Variants in ATP8B1 observed in about 807,000 individuals in gnomAD.
The protein encoded by ATP8B1 is phospholipid-transporting ATPase IC.
ATP8B1 carries 80 observed loss-of-function variants against 149.9 expected under a neutral mutation model. The ratio of observed to expected loss-of-function variants is 0.53; its 90% confidence interval spans 0.45 to 0.64. The LOEUF (loss-of-function observed/expected upper bound fraction) is 0.64, where lower values mean the gene tolerates loss of function less well. ATP8B1 is among the 30% of genes least tolerant of loss of function. The probability of loss-of-function intolerance (pLI) is 0.00; values close to 1 mark genes in which losing one functional copy is unlikely to be tolerated. For synonymous variants in ATP8B1, 536 were observed against 562.8 expected (o/e 0.95, Z 0.67); for missense variants, 1,247 against 1,552.6 (o/e 0.80, Z 3.31).
intron 2 of ATP8B1, among the ~76,000 whole-genome samples, chr18:57,716,322 C>G (rs375904778): frequency 2.6e-5 from 4 of 151,582 alleles, no homozygotes; most frequent in African/African-American, 9.7e-5. Flanking sequence ...GAAAACATAA[C>G]AAAATGGCAA....
chr18:57,764,419 C>CTCTTTCTT lies in ATP8B1; in HGVS notation c.-25-32595_-25-32588dup, dbSNP rs34664757. 1.1e-3 allele frequency among the ~76,000 whole-genome samples: 163 copies of CTCTTTCTT among 145,432 alleles called. 1 individual carries two copies. The highest frequency in any genetic ancestry group is 3.7e-3 in the African/African-American group (143 of 39,168). On this transcript the variant is annotated intron_variant, in intron 1 of 27. Transcript: ENST00000648908. ...TCTCTTTCTTTCTTTCTCTCTTTCT[C>CTCTTTCTT]TCTTTCTTTCTTTCTTTCATACCGA...
At chr18:57,786,684 C>CA (rs941321822) in intron 1 of ATP8B1, among the ~76,000 whole-genome samples, 24 of 152,338 alleles carry the variant, frequency 1.6e-4, no homozygotes, top group African/African-American at 5.5e-4. Flanking sequence ...GACAAGGAAT[C>CA]AGGAAATCTT....
chr18:57,794,814 AAGAAAG>A (rs1412186448), intron 1 of ATP8B1, among the ~76,000 whole-genome samples: 3 of 151,576 alleles, frequency 2.0e-5, no homozygotes, highest in Admixed American at 6.6e-5. Flanking sequence ...GAAAGAAAGA[AAGAAAG>A]AAAGAATGGC....
At chr18:57,796,030 C>T (rs149458543) in intron 1 of ATP8B1, among the ~76,000 whole-genome samples, 2,407 of 152,028 alleles carry the variant, frequency 0.016, 66 homozygotes, top group African/African-American at 0.056. Flanking sequence ...TTAGCCAAGC[C>T]TGGTGGCCAT....
chr18:57,657,540 A>G (rs553913558), intron 22 of ATP8B1, among the ~76,000 whole-genome samples: 61 of 152,346 alleles, frequency 4.0e-4, no homozygotes, highest in African/African-American at 1.3e-3. Context: ...TGGCAAATTC[A>G]AAACATAACT....
At chr18:57,758,461 A>G (rs1247057758) in intron 1 of ATP8B1, among the ~76,000 whole-genome samples, 1 of 148,944 alleles carries the variant, frequency 6.7e-6, no homozygotes, top group African/African-American at 2.5e-5. Flanking sequence ...ACCAACATGG[A>G]GAAACCCCGT....
At position 57,671,500 on chromosome 18, in the gene ATP8B1, G is replaced by A. The variant is rs777032365; in HGVS notation, c.1900C>T (p.Pro634Ser). ...GCATCCTGTGTTTCTTGCTTAGTAG[G>A]ATTCATTCGATGTAACCGTTCATAA... ...VIYERLHRMN[P>S]TKQETQDALD... The change falls in exon 17 of 28, where the codon CCT (proline) becomes TCT (serine). Residue 634 changes from proline to serine, a missense_variant. Physicochemically the swap from Pro to Ser is moderately conservative, Grantham distance 74. Coordinates refer to ENST00000648908, the MANE Select transcript of ATP8B1 (RefSeq NM_001374385.1). 1 of 1,613,938 alleles carries A rather than the reference G, an allele frequency of 6.2e-7. No individual in the cohort carries two copies. The highest frequency in any genetic ancestry group is 1.1e-5 in the South Asian group (1 of 91,076).
chr18:57,733,229 A>G lies in ATP8B1; in HGVS notation c.-25-1397T>C, dbSNP rs7244078. ...TGCCGTGTAGTCAGTATTGTTAATG[A>G]CAGCAGCTCGCATTTATTTTGTGTT... On this transcript the variant is annotated intron_variant, in intron 1 of 27. Transcript: ENST00000648908. Among the ~76,000 whole-genome samples the G allele has an allele frequency of 8.1e-3, 1,234 of 152,310 alleles. 25 individuals are homozygous for G. Among genetic ancestry groups the G allele is most frequent in the African/African-American group, 0.028 (1,173 of 41,570 alleles).
intron 1 of ATP8B1, chr18:57,735,239 T>G (rs755649227): frequency 5.9e-6 from 1 of 170,546 alleles, no homozygotes; most frequent in East Asian, 1.7e-4. Context: ...GCCGCTGACT[T>G]CCATCCCTCC....
chr18:57,790,389 C>A lies in ATP8B1; in HGVS notation c.-26+12609G>T, dbSNP rs114238157. Among the ~76,000 whole-genome samples, 720 of 149,262 alleles carry A rather than the reference C, an allele frequency of 4.8e-3. 2 individuals carry two copies. Among genetic ancestry groups the A allele is most frequent in the African/African-American group, 0.016 (657 of 40,942 alleles). ...AACAAAACCAGGAATCAAATCACAT[C>A]ACGCCGCTGCTTAAAAATGTTAGTG... On this transcript the variant is annotated intron_variant, in intron 1 of 27. Coordinates refer to ENST00000648908, the MANE Select transcript of ATP8B1 (RefSeq NM_001374385.1).
Position 57,697,949 on chromosome 18 carries a change from T to C in ATP8B1, c.555-82A>G. The stretch of plus-strand genomic sequence containing the variant: ...TACTATTCTTTCTGGATGTTATAGA[T>C]TCTGGAAAATATGCAAGTCACAGAG... On this transcript the variant is annotated intron_variant, in intron 6 of 27. Transcript: ENST00000648908. The C allele has an allele frequency of 2.3e-6, 3 of 1,299,858 alleles. No individual in the cohort carries two copies. The South Asian group carries it at 3.7e-5, about 16-fold the overall frequency. The allele number at this position is 1,299,858 out of a possible 1,614,324, so 80.5% of individuals were successfully genotyped here.
In ATP8B1 at chr18:57,802,054, G is replaced by GC. The variant is rs56215104; in HGVS notation, c.-26+943dup. On this transcript the variant is annotated intron_variant, in intron 1 of 27. Coordinates refer to ENST00000648908, the MANE Select transcript of ATP8B1 (RefSeq NM_001374385.1). The surrounding 1 kb of genome is among the most constrained non-coding windows in gnomAD (Gnocchi z 4.9). ...GTCACGGATCTGCGCTCCGAGCACC[G>GC]CCCCCCCCCGCAACCAGCCACCAAC... The GC allele has an allele frequency of 0.15, 19,089 of 130,050 alleles. 1,596 individuals carry two copies. Among genetic ancestry groups the GC allele is most frequent in the African/African-American group, 0.23 (7,804 of 34,594 alleles). 8.1% of individuals were successfully genotyped at this position (130,050 alleles called of 1,614,324 possible).
rs2079786149 is a variant in ATP8B1 at position 57,732,243 on chromosome 18, A to ATATATATG, written c.-25-412_-25-411insCATATATA. Among the ~76,000 whole-genome samples the ATATATATG allele has an allele frequency of 3.2e-3, 33 of 10,202 alleles. 6 individuals carry two copies. The highest frequency in any genetic ancestry group is 4.6e-3 in the South Asian group (1 of 216). 6.7% of individuals were successfully genotyped at this position (10,202 alleles called of 152,430 possible). ...TATATATGTATATATGTGTATATAT[A>ATATATATG]TGTATATATGTATATATGTGTATAT... On this transcript the variant is annotated intron_variant, in intron 1 of 27. Transcript: ENST00000648908.
chr18:57,672,918 ATATATATATATAT>A (rs1568189329), intron 16 of ATP8B1, among the ~76,000 whole-genome samples: 3,699 of 66,478 alleles, frequency 0.056, 288 homozygotes, highest in East Asian at 0.21. Context: ...ATATATATAT[ATATATATATATAT>A]AACATGTATA....
At chr18:57,686,666 A>C (rs879894030) in intron 13 of ATP8B1, among the ~76,000 whole-genome samples, 1 of 152,054 alleles carries the variant, frequency 6.6e-6, no homozygotes, top group Non-Finnish European at 1.5e-5. Context: ...TGATCCACCC[A>C]CGTAGGCCTC....
chr18:57,763,366 T>C (rs1189748240), intron 1 of ATP8B1, among the ~76,000 whole-genome samples: 1 of 150,930 alleles, frequency 6.6e-6, no homozygotes, highest in Admixed American at 6.7e-5. Context: ...CACTCCAGCC[T>C]GGGCAAGAAG....
At chr18:57,792,445 A>G (rs1354566103) in intron 1 of ATP8B1, among the ~76,000 whole-genome samples, 1 of 151,978 alleles carries the variant, frequency 6.6e-6, no homozygotes, top group African/African-American at 2.4e-5. Context: ...ACCACACCCG[A>G]CCGTAATATA....
At chr18:57,651,171 A>G (rs1909591431) in intron 26 of ATP8B1, among the ~76,000 whole-genome samples, 1 of 152,188 alleles carries the variant, frequency 6.6e-6, no homozygotes, top group African/African-American at 2.4e-5. Flanking sequence ...CAGTGGCGTG[A>G]TCATGGCTCA....
intron 1 of ATP8B1, among the ~76,000 whole-genome samples, chr18:57,799,443 GCT>G (rs1372424712): frequency 6.6e-6 from 1 of 152,186 alleles, no homozygotes. Context: ...GGGTGCGGTG[GCT>G]CACGCCTATA....
Sources: allele counts gnomAD v4.1 joint callset (sites outside exome capture counted in the v4.1 genomes callset), GRCh38; gene constraint gnomAD v4.1.1; non-coding constraint Gnocchi (gnomAD v3.1); transcripts MANE v1.5; gene names NCBI Gene and HGNC (gene_info 2026-07-23, HGNC 2026-07-21).